RCSD1: variants seen among roughly 807,000 people sequenced by gnomAD.
RCSD1 encodes the protein RCSD domain containing 1.
RCSD1 carries 26 observed loss-of-function variants against 42.5 expected under a neutral mutation model. The ratio of observed to expected loss-of-function variants is 0.61; its 90% CI spans 0.45 to 0.85. The LOEUF is 0.85. RCSD1 is among the 40% of genes least tolerant of loss of function. The probability of loss-of-function intolerance (pLI) is 0.00; values close to 1 mark genes in which losing one functional copy is unlikely to be tolerated. For synonymous variants in RCSD1, 220 were observed against 212.2 expected (o/e 1.04, Z -0.32); for missense variants, 571 against 528.3 (o/e 1.08, Z -0.79).
At chr1:167,684,849 G>C (rs1049769482) in intron 2 of RCSD1, among the ~76,000 whole-genome samples, 1 of 152,134 alleles carries the variant, frequency 6.6e-6, no homozygotes, top group Non-Finnish European at 1.5e-5. Context: ...ACTCCAGCCC[G>C]GGCAACAAGA....
chr1:167,639,682 CG>C (rs372139063), intron 1 of RCSD1, among the ~76,000 whole-genome samples: 23 of 152,164 alleles, frequency 1.5e-4, no homozygotes, highest in African/African-American at 5.1e-4. Flanking sequence ...TTAATAGAGA[CG>C]GGGTTTCACC....
At position 167,705,736 on chromosome 1, in the gene RCSD1, T is replaced by C. The variant is rs1178624882; in HGVS notation, c.*1040T>C. 6.6e-6 allele frequency: 1 copy of C among 152,176 alleles called. No individual in the cohort carries two copies. Among genetic ancestry groups the C allele is most frequent in the African/African-American group, 2.4e-5 (1 of 41,440 alleles). 9.4% of individuals were successfully genotyped at this position (152,176 alleles called of 1,614,324 possible). A position where few individuals can be genotyped will look rare whatever the true frequency, so the allele number is the denominator to read the frequency against. ...TCTGCCCAACACAAAAGGAGTGAGT[T>C]GGGGTCTTTAGTCTCTTCTTATTGG... On this transcript the variant is annotated 3_prime_UTR_variant, in exon 7 of 7. Transcript: ENST00000367854.
At position 167,697,521 on chromosome 1, in the gene RCSD1, C is replaced by T. The variant is rs748394940; in HGVS notation, c.897C>T (p.Pro299=). 6.2e-7 allele frequency: 1 copy of T among 1,606,204 alleles called. No homozygotes were observed. The highest frequency in any genetic ancestry group is 1.1e-5 in the South Asian group (1 of 89,706). ...AGGCAGAAAATAGGTGTGGGAGCCC[C>T]AGGGAGGAAAAGCCAGCTGGAGAGG... The part of the protein sequence containing the change: ...GPEAENRCGS[P]REEKPAGEEA... The change falls in exon 6 of 7, where the codon CCC becomes CCT. Residue 299 remains proline, a synonymous_variant. Coordinates refer to ENST00000367854, the MANE Select transcript of RCSD1 (RefSeq NM_052862.4).
intron 1 of RCSD1, among the ~76,000 whole-genome samples, chr1:167,674,991 A>G (rs180886116): frequency 0.016 from 2,380 of 152,078 alleles, 59 homozygotes; most frequent in African/African-American, 0.053. Flanking sequence ...TGAATCACAA[A>G]GTCAGGAGAT....
rs201430088 is a variant in RCSD1, at chr1:167,678,504, CCA to C, written c.7-5395_7-5394del. On this transcript the variant is annotated intron_variant, in intron 1 of 6. Transcript: ENST00000367854. ...ATTCTTCTCTTTCCCTTGCTCACAC[CCA>C]TGCATCAGTAATTCCCAGCAGCCTG... is the stretch of plus-strand genomic sequence containing the variant. Among the ~76,000 whole-genome samples the C allele has an allele frequency of 7.7e-4, 117 of 152,060 alleles. No individual in the cohort carries two copies. The East Asian group carries it at 0.021, about 27-fold the overall frequency.
rs548174994 is a variant in RCSD1 at position 167,632,772 on chromosome 1, G to A, written c.6+2343G>A. ...TGAAGTTTCTTTGTCCAAATGCCTG[G>A]AAAACAAAAAACAACAAAAATGAAA... On this transcript the variant is annotated intron_variant, in intron 1 of 6. Transcript: ENST00000367854. 5.7e-5 allele frequency among the ~76,000 whole-genome samples: 8 copies of A among 140,994 alleles called. No homozygotes were observed. In the South Asian group the frequency reaches 7.0e-4, roughly 12 times the overall value. 92.5% of individuals were successfully genotyped at this position (140,994 alleles called of 152,430 possible). A position where few individuals can be genotyped will look rare whatever the true frequency, so the allele number is the denominator to read the frequency against.
chr1:167,647,197 A>C (rs2102203485), intron 1 of RCSD1, among the ~76,000 whole-genome samples: 1 of 152,002 alleles, frequency 6.6e-6, no homozygotes, highest in South Asian at 2.1e-4. Context: ...ACATGTCTTT[A>C]AGTGCTTTTA....
At chr1:167,677,593 C>G (rs1260774819) in intron 1 of RCSD1, among the ~76,000 whole-genome samples, 1 of 152,178 alleles carries the variant, frequency 6.6e-6, no homozygotes, top group East Asian at 1.9e-4. Context: ...TCACTCTTTT[C>G]AGACTTTGAT....
chr1:167,686,616 G>C (rs1659242929), intron 3 of RCSD1, among the ~76,000 whole-genome samples: 1 of 152,224 alleles, frequency 6.6e-6, no homozygotes, highest in Non-Finnish European at 1.5e-5. Flanking sequence ...TCTTGGATGA[G>C]AACCCCAAGG....
chr1:167,656,078 T>C (rs1203532076), intron 1 of RCSD1, among the ~76,000 whole-genome samples: 1 of 152,184 alleles, frequency 6.6e-6, no homozygotes, highest in African/African-American at 2.4e-5. Context: ...AGAACAAATA[T>C]TTATTGAATA....
intron 5 of RCSD1, among the ~76,000 whole-genome samples, chr1:167,695,091 T>G (rs2101719291): frequency 6.6e-6 from 1 of 151,702 alleles, no homozygotes; most frequent in Middle Eastern, 3.4e-3. Flanking sequence ...AAAAATCAAA[T>G]GTGTAAAAAC....
chr1:167,655,802 C>G (rs1191076564), intron 1 of RCSD1, among the ~76,000 whole-genome samples: 1 of 152,160 alleles, frequency 6.6e-6, no homozygotes, highest in Non-Finnish European at 1.5e-5. Context: ...CCATCCCAAC[C>G]AGAGATGACA....
intron 1 of RCSD1, among the ~76,000 whole-genome samples, chr1:167,650,781 G>C (rs543534323): frequency 2.6e-5 from 4 of 152,332 alleles, no homozygotes; most frequent in South Asian, 2.1e-4. Context: ...AGAGGGGTGA[G>C]CGGAGTGTGC....
chr1:167,700,524 G>T (rs905447619), intron 6 of RCSD1, among the ~76,000 whole-genome samples: 2 of 151,982 alleles, frequency 1.3e-5, no homozygotes, highest in African/African-American at 4.8e-5. Flanking sequence ...GGTTGTGGGC[G>T]CCTGTGGTCC....
chr1:167,670,144 T>C (rs1474959397), intron 1 of RCSD1, among the ~76,000 whole-genome samples: 1 of 152,084 alleles, frequency 6.6e-6, no homozygotes, highest in East Asian at 1.9e-4. Flanking sequence ...CCAACCACCC[T>C]TCAGACTCAG....
chr1:167,659,983 C>G (rs1658505537), intron 1 of RCSD1, among the ~76,000 whole-genome samples: 1 of 152,164 alleles, frequency 6.6e-6, no homozygotes, highest in Admixed American at 6.5e-5. Flanking sequence ...CCACGTGCCT[C>G]TTTTTTGCAA....
At chr1:167,692,665 A>T (rs952469824) in intron 4 of RCSD1, among the ~76,000 whole-genome samples, 1 of 152,028 alleles carries the variant, frequency 6.6e-6, no homozygotes, top group Non-Finnish European at 1.5e-5. Flanking sequence ...CCAGCTTCAT[A>T]TGCTGCTTTT....
At chr1:167,649,163 CAGG>C (rs1658242145) in intron 1 of RCSD1, among the ~76,000 whole-genome samples, 1 of 152,062 alleles carries the variant, frequency 6.6e-6, no homozygotes, top group Admixed American at 6.6e-5. Flanking sequence ...GAGCTCAATC[CAGG>C]AGGACAAAGA....
Position 167,675,207 on chromosome 1 carries a change from GAAA to G in RCSD1, c.7-8670_7-8668del, listed in dbSNP as rs34426324. Among the ~76,000 whole-genome samples, 297 of 49,126 alleles carry G rather than the reference GAAA, an allele frequency of 6.0e-3. 1 individual carries two copies. The highest frequency in any genetic ancestry group is 0.027 in the African/African-American group (254 of 9,438). The allele number at this position is 49,126 out of a possible 152,430, so 32.2% of individuals were successfully genotyped here. A position where few individuals can be genotyped will look rare whatever the true frequency, so the allele number is the denominator to read the frequency against. On this transcript the variant is annotated intron_variant, in intron 1 of 6. Coordinates refer to ENST00000367854, the MANE Select transcript of RCSD1 (RefSeq NM_052862.4). ...GGTGACAGAATGAGACTCCATCTCG[GAAA>G]AAAAAAAAAAAAAAAAAAAAAAGCA...
Sources: allele counts gnomAD v4.1 joint callset (sites outside exome capture counted in the v4.1 genomes callset), GRCh38; gene constraint gnomAD v4.1.1; transcripts MANE v1.5; gene names NCBI Gene and HGNC (gene_info 2026-07-23, HGNC 2026-07-21).